Variants in ZNF197 observed in about 807,000 individuals in gnomAD.
ZNF197 encodes VHL-associated KRAB-A domain-containing protein.
In ZNF197, 14 loss-of-function variants were observed where a neutral mutation model predicts 27.4. The ratio of observed to expected loss-of-function variants is 0.51; its 90% CI spans 0.34 to 0.80. The LOEUF (loss-of-function observed/expected upper bound fraction) is 0.80, where lower values mean the gene tolerates loss of function less well. Among genes scored for constraint, ZNF197 ranks in the 30% least tolerant of loss-of-function variants. The pLI, the probability that ZNF197 is intolerant of heterozygous loss-of-function variation, is 0.02. For missense variants in ZNF197, 1,090 were observed against 1,222.6 expected (o/e 0.89, Z 1.62); for synonymous variants, 415 against 420.0 (o/e 0.99, Z 0.15).
rs572060821 is a variant in ZNF197, at chr3:44,643,675, A to G, written c.2545A>G (p.Ser849Gly). ...IHTGEKPYAC[S>G]ECGKGFTYNR... ...TACTGGTGAGAAGCCCTATGCGTGTAGTGAGTGTGGAAAAGGTTTTACGTA... is the reference window on the plus strand; with the variant it reads ...TACTGGTGAGAAGCCCTATGCGTGTGGTGAGTGTGGAAAAGGTTTTACGTA... Residue 849 changes from serine to glycine, a missense_variant, in exon 6 of 6, where the codon AGT (serine) becomes GGT (glycine). By Grantham distance (56) the Ser-to-Gly change is moderately conservative (BLOSUM62 0). Transcript: ENST00000344387. 1.8e-5 allele frequency: 29 copies of G among 1,614,136 alleles called. No individual in the cohort carries two copies. The African/African-American group carries it at 2.7e-4, about 15-fold the overall frequency.
In ZNF197 at chr3:44,645,286, C is replaced by A; in HGVS notation, c.*1066C>A. 2 of 985,344 alleles carry A rather than the reference C, an allele frequency of 2.0e-6. No homozygotes were observed. Among genetic ancestry groups the A allele is most frequent in the Non-Finnish European group, 1.2e-6 (1 of 829,914 alleles). 61.0% of individuals were successfully genotyped at this position (985,344 alleles called of 1,614,324 possible). A position where few individuals can be genotyped will look rare whatever the true frequency, so the allele number is the denominator to read the frequency against. On this transcript the variant is annotated 3_prime_UTR_variant, in exon 6 of 6. Transcript: ENST00000344387. ...AAGAGGTTATGGTAAAAGTTTAGAA[C>A]ATGGGATCATGTAAGTTTGTGTATT...
Position 44,646,147 on chromosome 3 carries a change from C to T in ZNF197, c.*1927C>T. The T allele has an allele frequency of 1.0e-6, 1 of 984,718 alleles. No homozygotes were observed. The highest frequency in any genetic ancestry group is 1.2e-6 in the Non-Finnish European group (1 of 829,306). 61.0% of individuals were successfully genotyped at this position (984,718 alleles called of 1,614,324 possible). ...AAAGTCTTAAGACCTGGATGTGGTT[C>T]AGGTTTTGCCATCTGCCTCAGAAAA... On this transcript the variant is annotated 3_prime_UTR_variant, in exon 6 of 6. Coordinates refer to ENST00000344387, the MANE Select transcript of ZNF197 (RefSeq NM_006991.5).
In ZNF197 at chr3:44,642,780, C is replaced by T; in HGVS notation, c.1650C>T (p.Thr550=). Residue 550 remains threonine, a synonymous_variant, in exon 6 of 6, where the codon ACC becomes ACT. Coordinates refer to ENST00000344387, the MANE Select transcript of ZNF197 (RefSeq NM_006991.5). ...CDECGKTFAQ[T]TYLIDHQRLH... is the part of the protein sequence containing the mutation. The stretch of plus-strand genomic sequence containing the variant: ...AATGTGGAAAGACCTTTGCTCAGAC[C>T]ACTTATCTTATTGACCATCAGCGAC... The T allele has an allele frequency of 6.2e-7, 1 of 1,613,362 alleles. No individual in the cohort carries two copies. Among genetic ancestry groups the T allele is most frequent in the Non-Finnish European group, 8.5e-7 (1 of 1,179,900 alleles).
At chr3:44,627,083 A>G (rs1173543076) in intron 1 of ZNF197, among the ~76,000 whole-genome samples, 1 of 152,172 alleles carries the variant, frequency 6.6e-6, no homozygotes, top group Non-Finnish European at 1.5e-5. Flanking sequence ...ACCATTTGTG[A>G]AAAAAAGGGA....
Position 44,643,891 on chromosome 3 carries a change from CAG to C in ZNF197, c.2765_2766del (p.Arg922AsnfsTer9). The C allele has an allele frequency of 6.2e-7, 1 of 1,613,708 alleles. No homozygotes were observed. The highest frequency in any genetic ancestry group is 8.5e-7 in the Non-Finnish European group (1 of 1,179,886). ...FSQNKNLVVH[Q>X]RMHTGEKPYE... The stretch of plus-strand genomic sequence containing the variant: ...TCAGAATAAAAACCTTGTTGTACAT[CAG>C]AGAATGCACACTGGGGAAAAACCTT... On this transcript the variant is annotated frameshift_variant, in exon 6 of 6. Transcript: ENST00000344387. LOFTEE classifies it low-confidence loss of function (END_TRUNC).
intron 5 of ZNF197, among the ~76,000 whole-genome samples, chr3:44,638,243 G>A (rs1404781221): frequency 6.6e-6 from 1 of 150,412 alleles, no homozygotes; most frequent in Non-Finnish European, 1.5e-5. Flanking sequence ...AATTTTCTTT[G>A]TGGATTATTT....
Position 44,642,801 on chromosome 3 carries a change from G to A in ZNF197, c.1671G>A (p.Gln557=), listed in dbSNP as rs1295323859. ...AGACCACTTATCTTATTGACCATCA[G>A]CGACTCCACAGTGCAGAGAACCCTT... ...FAQTTYLIDH[Q]RLHSAENPYK... The change falls in exon 6 of 6, where the codon CAG becomes CAA. Residue 557 remains glutamine (Q), a synonymous_variant. Coordinates refer to ENST00000344387, the MANE Select transcript of ZNF197 (RefSeq NM_006991.5). 4 of 1,613,614 alleles carry A rather than the reference G, an allele frequency of 2.5e-6. No individual in the cohort carries two copies. Among genetic ancestry groups the A allele is most frequent in the Non-Finnish European group, 3.4e-6 (4 of 1,179,956 alleles).
chr3:44,633,107 C>A (rs1702101494), intron 5 of ZNF197, among the ~76,000 whole-genome samples: 1 of 152,160 alleles, frequency 6.6e-6, no homozygotes, highest in African/African-American at 2.4e-5. Flanking sequence ...CTGTAGCGAT[C>A]CCTGTCCTCT....
intron 5 of ZNF197, among the ~76,000 whole-genome samples, chr3:44,638,013 A>G (rs1312504444): frequency 6.6e-6 from 1 of 152,212 alleles, no homozygotes; most frequent in African/African-American, 2.4e-5. Context: ...AGATTTTAGT[A>G]GGGATTGCAA....
intron 4 of ZNF197, 103 bp from the exon 5 acceptor site, chr3:44,632,370 G>GCA: frequency 6.6e-7 from 1 of 1,518,774 alleles, no homozygotes; most frequent in Non-Finnish European, 8.9e-7. Flanking sequence ...TGTCTGTTAT[G>GCA]CACTCATGGC....
At position 44,644,426 on chromosome 3, in the gene ZNF197, G is replaced by T; in HGVS notation, c.*206G>T. On this transcript the variant is annotated 3_prime_UTR_variant, in exon 6 of 6. Transcript: ENST00000344387. ...GGCCGAAGCGAGTGGATCACCTGAGGTCAGGATTTTGAGACCAGCCTGACC... is the reference window on the plus strand; with the variant it reads ...GGCCGAAGCGAGTGGATCACCTGAGTTCAGGATTTTGAGACCAGCCTGACC... 1 of 1,236,742 alleles carries T rather than the reference G, an allele frequency of 8.1e-7. No individual in the cohort carries two copies. Among genetic ancestry groups the T allele is most frequent in the Non-Finnish European group, 1.0e-6 (1 of 971,202 alleles). The allele number at this position is 1,236,742 out of a possible 1,614,324, so 76.6% of individuals were successfully genotyped here.
At chr3:44,641,115 A>C (rs767844238) in intron 5 of ZNF197, among the ~76,000 whole-genome samples, 1 of 152,178 alleles carries the variant, frequency 6.6e-6, no homozygotes, top group Non-Finnish European at 1.5e-5. Flanking sequence ...ACATTTTCAT[A>C]CTGTTCATAC....
chr3:44,634,472 T>G (rs748187366), intron 5 of ZNF197, among the ~76,000 whole-genome samples: 11 of 152,038 alleles, frequency 7.2e-5, no homozygotes, highest in African/African-American at 2.4e-4. Flanking sequence ...TTTTTTGAGA[T>G]GGAGTTTCCA....
At position 44,640,753 on chromosome 3, in the gene ZNF197, C is replaced by T. The variant is rs1702554916; in HGVS notation, c.770-1147C>T. Among the ~76,000 whole-genome samples, 2 of 152,206 alleles carry T rather than the reference C, an allele frequency of 1.3e-5. No homozygotes were observed. Among genetic ancestry groups the T allele is most frequent in the Non-Finnish European group, 2.9e-5 (2 of 68,044 alleles). ...ATTAGATAGGCTTAAGACACATACCCATCCCTGCAGCCAGGTGGTTGGGTA... is the reference window on the plus strand; with the variant it reads ...ATTAGATAGGCTTAAGACACATACCTATCCCTGCAGCCAGGTGGTTGGGTA... On this transcript the variant is annotated intron_variant, in intron 5 of 5. Transcript: ENST00000344387. This position sits in a 1 kb window ranked among gnomAD's most constrained non-coding sequence, Gnocchi z 4.0.
chr3:44,630,184 T>C (rs1006516671), intron 2 of ZNF197, among the ~76,000 whole-genome samples: 1 of 152,184 alleles, frequency 6.6e-6, no homozygotes, highest in Non-Finnish European at 1.5e-5. Flanking sequence ...ACCATTGCAC[T>C]CCAGCCTGGG....
In ZNF197 at chr3:44,631,233, G is replaced by A; in HGVS notation, c.550+12G>A. The A allele has an allele frequency of 1.2e-6, 2 of 1,613,876 alleles. No homozygotes were observed. Among genetic ancestry groups the A allele is most frequent in the Non-Finnish European group, 1.7e-6 (2 of 1,179,896 alleles). On this transcript the variant is annotated intron_variant, in intron 3 of 5. Coordinates refer to ENST00000344387, the MANE Select transcript of ZNF197 (RefSeq NM_006991.5). The stretch of plus-strand genomic sequence containing the variant: ...GGATCCTCAGCATGGTATTTACTCA[G>A]TGCTCTGGGTTTTGGGCTGTTCAAG...
Position 44,642,809 on chromosome 3 carries a change from AC to A in ZNF197, c.1680del (p.His560GlnfsTer102). The A allele has an allele frequency of 1.9e-6, 3 of 1,613,826 alleles. No homozygotes were observed. Among genetic ancestry groups the A allele is most frequent in the Non-Finnish European group, 2.5e-6 (3 of 1,179,980 alleles). On this transcript the variant is annotated frameshift_variant, in exon 6 of 6. Coordinates refer to ENST00000344387, the MANE Select transcript of ZNF197 (RefSeq NM_006991.5). LOFTEE classifies it low-confidence loss of function (END_TRUNC). ...TATCTTATTGACCATCAGCGACTCC[AC>A]AGTGCAGAGAACCCTTACAAGTGTA... Reference protein sequence around the residue: ...TTYLIDHQRLHSAENPYKCKE... With the variant: ...TTYLIDHQRLXSAENPYKCKE...
In ZNF197 at chr3:44,644,130, CCTTCAT is replaced by C. The variant is rs751892009; in HGVS notation, c.3006_3011del (p.His1002_Leu1003del). 8.1e-6 allele frequency: 13 copies of C among 1,613,924 alleles called. No individual in the cohort carries two copies. Among genetic ancestry groups the C allele is most frequent in the Middle Eastern group, 1.6e-4 (1 of 6,082 alleles). ...AAAAAGAATTCTCTCAGACTTCCAA[CCTTCAT>C]CTTCAACAGAAAATCCATACCATTG... On this transcript the variant is annotated inframe_deletion, in exon 6 of 6. Transcript: ENST00000344387.
In ZNF197 at chr3:44,641,920, A is replaced by G; in HGVS notation, c.790A>G (p.Asn264Asp). Residue 264 changes from asparagine to aspartate, a missense_variant, in exon 6 of 6, where the codon AAT becomes GAT. Asn to Asp is a conservative substitution (Grantham distance 23, BLOSUM62 1). Coordinates refer to ENST00000344387, the MANE Select transcript of ZNF197 (RefSeq NM_006991.5). ...ACCAGAATGGGAGACCATGACCGAG[A>G]ATGAGGAGGTGACATCAAAGCCAAG... The part of the protein sequence containing the change: ...TSLEWETMTE[N>D]EEVTSKPSSS... 6.3e-7 allele frequency: 1 copy of G among 1,599,210 alleles called. No homozygotes were observed. The highest frequency in any genetic ancestry group is 8.5e-7 in the Non-Finnish European group (1 of 1,173,520).
Sources: gnomAD v4.1 joint callset for allele counts (sites outside exome capture counted in the v4.1 genomes callset) on GRCh38, gnomAD v4.1.1 for gene constraint, Gnocchi (gnomAD v3.1) non-coding constraint, MANE v1.5 for transcripts, NCBI Gene and HGNC (gene_info 2026-07-23, HGNC 2026-07-21) for gene names.